Variants in MACROD2 observed in about 807,000 individuals in gnomAD.
The protein encoded by MACROD2 is ADP-ribose glycohydrolase MACROD2.
A neutral mutation model predicts 70.4 loss-of-function variants in MACROD2; 36 were observed. The observed-to-expected ratio is 0.51, with a 90% confidence interval of 0.39 to 0.68. The LOEUF (loss-of-function observed/expected upper bound fraction) is 0.68. Among genes scored for constraint, MACROD2 ranks in the 30% least tolerant of loss-of-function variants. The pLI, the probability that MACROD2 is intolerant of heterozygous loss-of-function variation, is 0.00. For missense variants in MACROD2, 496 were observed against 538.4 expected, an observed-to-expected ratio of 0.92 and a Z score of 0.78; for synonymous variants, 172 against 178.8, an observed-to-expected ratio of 0.96 and a Z score of 0.30.
intron 8 of MACROD2, among the ~76,000 whole-genome samples, chr20:15,805,012 C>T (rs187452806): frequency 5.3e-5 from 8 of 152,188 alleles, no homozygotes; most frequent in South Asian, 2.1e-4. Context: ...ACAGTGGTTA[C>T]GTGCTGAACA....
chr20:14,880,056 G>A (rs913294804), intron 5 of MACROD2, among the ~76,000 whole-genome samples: 6 of 152,168 alleles, frequency 3.9e-5, no homozygotes, highest in Admixed American at 3.3e-4. Context: ...TACAAACTGT[G>A]TGTTGACTGG....
chr20:15,129,630 GT>G (rs1340430296), intron 5 of MACROD2, among the ~76,000 whole-genome samples: 1 of 152,052 alleles, frequency 6.6e-6, no homozygotes, highest in Non-Finnish European at 1.5e-5. Context: ...ATTCCAAGTT[GT>G]TTTTATTCAG....
intron 10 of MACROD2, chr20:15,893,727 C>T (rs781039124): frequency 1.3e-5 from 6 of 456,566 alleles, no homozygotes; most frequent in Non-Finnish European, 1.8e-5. Context: ...AGCATATTTA[C>T]GCTTTGTCTT....
chr20:14,616,751 T>A (rs181807262), intron 4 of MACROD2, among the ~76,000 whole-genome samples: 1 of 152,122 alleles, frequency 6.6e-6, no homozygotes, highest in Non-Finnish European at 1.5e-5. Context: ...GATGAACTGA[T>A]CATCCCATAA....
intron 8 of MACROD2, among the ~76,000 whole-genome samples, chr20:15,510,475 G>A (rs1472755424): frequency 6.6e-6 from 1 of 152,172 alleles, no homozygotes; most frequent in African/African-American, 2.4e-5. Context: ...AACAAAAAAG[G>A]CATTTCCCCT....
At chr20:15,561,402 T>C (rs1290340148) in intron 8 of MACROD2, among the ~76,000 whole-genome samples, 1 of 152,258 alleles carries the variant, frequency 6.6e-6, no homozygotes, top group Non-Finnish European at 1.5e-5. Flanking sequence ...TCATTTTGAC[T>C]ACTCAACAGC....
At chr20:15,160,161 TG>T (rs1240843405) in intron 5 of MACROD2, among the ~76,000 whole-genome samples, 2 of 151,776 alleles carry the variant, frequency 1.3e-5, no homozygotes, top group Non-Finnish European at 2.9e-5. Context: ...GTGTTGAAGG[TG>T]GTTGAAAAAG....
At chr20:15,793,899 AATAT>A (rs1186437749) in intron 8 of MACROD2, among the ~76,000 whole-genome samples, 23 of 147,472 alleles carry the variant, frequency 1.6e-4, no homozygotes, top group African/African-American at 5.6e-4. Context: ...TATTTTATAT[AATAT>A]ATAATATAAA....
intron 3 of MACROD2, among the ~76,000 whole-genome samples, chr20:14,291,477 T>C (rs2082385720): frequency 6.6e-6 from 1 of 151,948 alleles, no homozygotes; most frequent in African/African-American, 2.4e-5. Context: ...GGCTTCCCAA[T>C]AGAGGAGGTT....
At chr20:15,939,109 G>A (rs914477234) in intron 12 of MACROD2, among the ~76,000 whole-genome samples, 1 of 152,204 alleles carries the variant, frequency 6.6e-6, no homozygotes, top group African/African-American at 2.4e-5. Flanking sequence ...ACATTAATGT[G>A]CAAGGTGAAG....
chr20:15,424,423 G>A (rs1568797583), intron 6 of MACROD2, among the ~76,000 whole-genome samples: 2 of 152,146 alleles, frequency 1.3e-5, no homozygotes, highest in African/African-American at 4.8e-5. Context: ...CCAACATGTA[G>A]AGAAAAGAGT....
In MACROD2 at chr20:14,139,382, A is replaced by G. The variant is rs1355346931; in HGVS notation, c.271+53654A>G. ...ATGTTAAGACCAAAACAAAACTAGC[A>G]AGTGGCAGAGCTAAGATTCAAACAC... On this transcript the variant is annotated intron_variant, in intron 3 of 17. Coordinates refer to ENST00000684519, the MANE Select transcript of MACROD2 (RefSeq NM_001351661.2). Among the ~76,000 whole-genome samples, 6 of 152,318 alleles carry G rather than the reference A, an allele frequency of 3.9e-5. No individual in the cohort carries two copies. The East Asian group carries it at 1.2e-3, about 29-fold the overall frequency.
At chr20:14,610,460 A>C (rs1243417071) in intron 4 of MACROD2, among the ~76,000 whole-genome samples, 1 of 151,982 alleles carries the variant, frequency 6.6e-6, no homozygotes, top group Non-Finnish European at 1.5e-5. Context: ...TTTCATTTTT[A>C]CCTGAGGTTT....
At chr20:15,608,570 C>T (rs1955234210) in intron 8 of MACROD2, among the ~76,000 whole-genome samples, 2 of 152,162 alleles carry the variant, frequency 1.3e-5, no homozygotes, top group South Asian at 4.1e-4. Flanking sequence ...ACTAAGTGAC[C>T]CACAGAGGCA....
chr20:15,416,165 C>G (rs927287656), intron 6 of MACROD2, among the ~76,000 whole-genome samples: 4 of 152,208 alleles, frequency 2.6e-5, no homozygotes, highest in African/African-American at 9.7e-5. Flanking sequence ...ATAATAGACT[C>G]TGGTTGATAA....
chr20:15,452,114 C>G (rs1042725556), intron 7 of MACROD2, among the ~76,000 whole-genome samples: 1 of 152,134 alleles, frequency 6.6e-6, no homozygotes, highest in Non-Finnish European at 1.5e-5. Context: ...CCAGCCCTTT[C>G]CATCCACTGT....
At chr20:15,417,227 T>TA (rs1204444309) in intron 6 of MACROD2, among the ~76,000 whole-genome samples, 2 of 152,056 alleles carry the variant, frequency 1.3e-5, no homozygotes, top group African/African-American at 2.4e-5. Context: ...GGGCTACAAT[T>TA]ATCTGGTGTA....
intron 5 of MACROD2, among the ~76,000 whole-genome samples, chr20:14,796,077 G>A (rs1328669335): frequency 1.3e-5 from 2 of 152,078 alleles, no homozygotes; most frequent in African/African-American, 4.8e-5. Context: ...ATGAGCCTCA[G>A]GTGGTTGATA....
intron 8 of MACROD2, among the ~76,000 whole-genome samples, chr20:15,551,001 T>A (rs1235384419): frequency 6.6e-6 from 1 of 152,162 alleles, no homozygotes; most frequent in East Asian, 1.9e-4. Flanking sequence ...GAAAACCTCT[T>A]AAGAATAAAG....
Sources: allele counts gnomAD v4.1 joint callset (sites outside exome capture counted in the v4.1 genomes callset), GRCh38; gene constraint gnomAD v4.1.1; transcripts MANE v1.5; gene names NCBI Gene and HGNC (gene_info 2026-07-23, HGNC 2026-07-21).